Variants in GRM8 observed in about 807,000 individuals in gnomAD.
GRM8 encodes glutamate metabotropic receptor 8, also known as metabotropic glutamate receptor 8.
GRM8 carries 47 observed loss-of-function variants against 87.2 expected under a neutral mutation model. The observed-to-expected ratio is 0.54, with a 90% confidence interval of 0.43 to 0.69. The LOEUF is 0.69. Ranked by LOEUF, GRM8 falls within the 30% of genes least tolerant of loss-of-function variation. GRM8 has a pLI of 0.00. For missense variants in GRM8, 1,019 were observed against 1,139.2 expected, an observed-to-expected ratio of 0.89 and a Z score of 1.52; for synonymous variants, 396 against 404.5, an observed-to-expected ratio of 0.98 and a Z score of 0.25.
At chr7:126,710,070 T>C (rs1810946292) in intron 7 of GRM8, among the ~76,000 whole-genome samples, 2 of 152,248 alleles carry the variant, frequency 1.3e-5, no homozygotes, top group African/African-American at 4.8e-5. Context: ...TTTTATACTC[T>C]ATAATAGTCT....
intron 7 of GRM8, among the ~76,000 whole-genome samples, chr7:126,702,211 G>A (rs76732842): frequency 0.028 from 4,207 of 152,210 alleles, 212 homozygotes; most frequent in African/African-American, 0.096. Context: ...GTATACAAAT[G>A]AAAAACAAAT....
intron 3 of GRM8, among the ~76,000 whole-genome samples, chr7:127,036,533 AT>A (rs1817861887): frequency 6.6e-6 from 1 of 152,178 alleles, no homozygotes. Flanking sequence ...CAAAACTTTA[AT>A]GCCCATTTTG....
intron 6 of GRM8, among the ~76,000 whole-genome samples, chr7:126,801,540 T>TAGTC (rs10630692): frequency 0.13 from 18,102 of 141,256 alleles, 3,699 homozygotes; most frequent in African/African-American, 0.42. Flanking sequence ...GGCACCAAAA[T>TAGTC]AGTATTACTA....
chr7:126,775,477 A>AT (rs1819328337), intron 6 of GRM8, among the ~76,000 whole-genome samples: 1 of 113,684 alleles, frequency 8.8e-6, no homozygotes, highest in African/African-American at 3.9e-5. Flanking sequence ...GCTGACAAAT[A>AT]GGTTTTTTTT....
At chr7:127,029,567 G>C (rs1192011433) in intron 3 of GRM8, among the ~76,000 whole-genome samples, 2 of 152,090 alleles carry the variant, frequency 1.3e-5, no homozygotes, top group African/African-American at 4.8e-5. Context: ...TTGTTGAATG[G>C]ATCCCTTTAC....
At chr7:126,487,859 C>T (rs1807557141) in intron 9 of GRM8, among the ~76,000 whole-genome samples, 1 of 151,990 alleles carries the variant, frequency 6.6e-6, no homozygotes, top group Non-Finnish European at 1.5e-5. Context: ...TCATTGGCAA[C>T]AAATACTGTC....
chr7:126,700,020 G>T (rs532178667), intron 7 of GRM8, among the ~76,000 whole-genome samples: 181 of 152,124 alleles, frequency 1.2e-3, no homozygotes, highest in African/African-American at 4.2e-3. Flanking sequence ...ACTGATATTG[G>T]GACTACAATT....
intron 6 of GRM8, among the ~76,000 whole-genome samples, chr7:126,851,675 C>T (rs1040027866): frequency 6.6e-6 from 1 of 152,050 alleles, no homozygotes; most frequent in South Asian, 2.1e-4. Flanking sequence ...AAAATTTCTT[C>T]CCCAGCTATC....
At position 126,727,704 on chromosome 7, in the gene GRM8, TACACACACACAC is replaced by T. The variant is rs3038844; in HGVS notation, c.1357+42149_1357+42160del. Among the ~76,000 whole-genome samples the T allele has an allele frequency of 7.9e-3, 1,122 of 141,876 alleles. 7 individuals are homozygous for T. Among genetic ancestry groups the T allele is most frequent in the Non-Finnish European group, 0.011 (706 of 64,648 alleles). 93.1% of individuals were successfully genotyped at this position (141,876 alleles called of 152,430 possible). A position where few individuals can be genotyped will look rare whatever the true frequency, so the allele number is the denominator to read the frequency against. ...GAAAACACTTGCTCATCTGAAATCATACACACACACACACACACACACACACACACACACACC... is the reference window on the plus strand; with the variant it reads ...GAAAACACTTGCTCATCTGAAATCATACACACACACACACACACACACACC... On this transcript the variant is annotated intron_variant, in intron 7 of 10. Transcript: ENST00000339582.
intron 2 of GRM8, among the ~76,000 whole-genome samples, chr7:127,196,987 C>T (rs1252537338): frequency 6.6e-6 from 1 of 152,172 alleles, no homozygotes; most frequent in Non-Finnish European, 1.5e-5. Flanking sequence ...CATCCCATCT[C>T]AGCCTCTCAA....
intron 8 of GRM8, among the ~76,000 whole-genome samples, chr7:126,599,760 A>T (rs1797555514): frequency 1.3e-5 from 2 of 152,166 alleles, no homozygotes; most frequent in East Asian, 3.8e-4. Context: ...TTTAAAGTTA[A>T]AAAAGAATAA....
At chr7:127,190,409 T>A (rs967743718) in intron 2 of GRM8, among the ~76,000 whole-genome samples, 2 of 152,060 alleles carry the variant, frequency 1.3e-5, no homozygotes, top group African/African-American at 2.4e-5. Context: ...CCAGGTGTGG[T>A]GGCACACACC....
At chr7:126,769,040 C>T (rs564195504) in intron 7 of GRM8, among the ~76,000 whole-genome samples, 21 of 152,000 alleles carry the variant, frequency 1.4e-4, no homozygotes, top group African/African-American at 2.2e-4. Context: ...TTATGATAGA[C>T]GGTGCAGTGC....
chr7:126,827,143 G>C (rs921719691), intron 6 of GRM8, among the ~76,000 whole-genome samples: 11 of 152,216 alleles, frequency 7.2e-5, no homozygotes, highest in African/African-American at 2.7e-4. Flanking sequence ...TTGAAGTCAG[G>C]TAGCGTGATG....
chr7:127,122,516 C>G (rs1324601575), intron 2 of GRM8, among the ~76,000 whole-genome samples: 1 of 151,434 alleles, frequency 6.6e-6, no homozygotes, highest in Non-Finnish European at 1.5e-5. Context: ...CTCTTAGGCA[C>G]GTCTGTCTTT....
intron 7 of GRM8, among the ~76,000 whole-genome samples, chr7:126,614,956 T>C (rs551938957): frequency 2.0e-4 from 30 of 152,198 alleles, no homozygotes; most frequent in Non-Finnish European, 4.1e-4. Flanking sequence ...CTCTGCAGGA[T>C]ATTATCCAGG....
chr7:126,844,647 G>T (rs1257632656), intron 6 of GRM8, among the ~76,000 whole-genome samples: 1 of 152,120 alleles, frequency 6.6e-6, no homozygotes, highest in Non-Finnish European at 1.5e-5. Flanking sequence ...AACAGTTTTG[G>T]AGGCTTGAAG....
intron 3 of GRM8, among the ~76,000 whole-genome samples, chr7:127,024,262 G>T (rs1357815088): frequency 6.6e-6 from 1 of 152,056 alleles, no homozygotes; most frequent in Non-Finnish European, 1.5e-5. Flanking sequence ...CTGGCCCAGG[G>T]CATGGCACTT....
At chr7:126,642,614 TG>T (rs1476190295) in intron 7 of GRM8, among the ~76,000 whole-genome samples, 17 of 151,402 alleles carry the variant, frequency 1.1e-4, no homozygotes, top group Non-Finnish European at 5.9e-5. Context: ...CCCTCCAGCC[TG>T]GGTGACAGAG....
Sources: gnomAD v4.1 joint callset for allele counts (sites outside exome capture counted in the v4.1 genomes callset) on GRCh38, gnomAD v4.1.1 for gene constraint, MANE v1.5 for transcripts, NCBI Gene and HGNC (gene_info 2026-07-23, HGNC 2026-07-21) for gene names.